MEGF11: variants seen among roughly 807,000 people sequenced by gnomAD.
MEGF11 encodes the protein multiple EGF like domains 11.
MEGF11 carries 126 observed loss-of-function variants against 146.6 expected under a neutral mutation model. That is an observed-to-expected ratio of 0.86 (90% CI 0.74 to 1.00). The LOEUF is 1.00. Ranked by LOEUF, MEGF11 falls within the 50% of genes least tolerant of loss-of-function variation. The pLI is 0.00. For synonymous variants in MEGF11, 532 were observed against 583.4 expected (o/e 0.91, Z 1.27); for missense variants, 1,509 against 1,521.2 (o/e 0.99, Z 0.13).
chr15:66,025,458 G>A (rs2083295915), intron 5 of MEGF11, among the ~76,000 whole-genome samples: 1 of 152,138 alleles, frequency 6.6e-6, no homozygotes, highest in African/African-American at 2.4e-5. Context: ...GAGGCGAGGA[G>A]GTCCACTACC....
chr15:66,001,959 G>A (rs2082379895), intron 5 of MEGF11, among the ~76,000 whole-genome samples: 1 of 152,162 alleles, frequency 6.6e-6, no homozygotes, highest in Non-Finnish European at 1.5e-5. Context: ...TCTGGGTCAG[G>A]GCTGGCAGGG....
chr15:66,143,805 C>T (rs1200674965), intron 1 of MEGF11, among the ~76,000 whole-genome samples: 1 of 152,160 alleles, frequency 6.6e-6, no homozygotes, highest in East Asian at 1.9e-4. Flanking sequence ...TCCTAGTGAG[C>T]TTTTAACAAA....
intron 4 of MEGF11, among the ~76,000 whole-genome samples, chr15:66,106,180 T>C (rs1024052597): frequency 5.3e-5 from 8 of 152,182 alleles, no homozygotes; most frequent in Admixed American, 5.2e-4. Flanking sequence ...AGAAAGGAGA[T>C]GGGAAACAAT....
chr15:65,925,826 G>T (rs1253253655), intron 13 of MEGF11, among the ~76,000 whole-genome samples: 1 of 152,180 alleles, frequency 6.6e-6, no homozygotes, highest in Non-Finnish European at 1.5e-5. Context: ...TCCGTTTAGG[G>T]CCCTCCTTCT....
Position 65,982,023 on chromosome 15 carries a change from A to G in MEGF11, c.641+219T>C, listed in dbSNP as rs1180910895. The stretch of plus-strand genomic sequence containing the variant: ...AGACCTGCGTGGGTGAGGCCTGGGC[A>G]TTTAGACTCACAGGAGATTTCACAG... On this transcript the variant is annotated intron_variant, in intron 6 of 25. Coordinates refer to ENST00000395614, the MANE Select transcript of MEGF11 (RefSeq NM_001385028.1). The surrounding 1 kb of genome is among the most constrained non-coding windows in gnomAD (Gnocchi z 5.6). Among the ~76,000 whole-genome samples the G allele has an allele frequency of 6.6e-6, 1 of 152,188 alleles. No homozygotes were observed. Among genetic ancestry groups the G allele is most frequent in the Non-Finnish European group, 1.5e-5 (1 of 68,026 alleles).
intron 10 of MEGF11, among the ~76,000 whole-genome samples, chr15:65,956,649 C>T (rs932842125): frequency 6.6e-6 from 1 of 152,240 alleles, no homozygotes; most frequent in East Asian, 1.9e-4. Flanking sequence ...CTCCTTGAGC[C>T]TGCTGGGCAT....
At chr15:66,179,840 G>A (rs2090498056) in intron 1 of MEGF11, among the ~76,000 whole-genome samples, 1 of 127,318 alleles carries the variant, frequency 7.9e-6, no homozygotes, top group Admixed American at 9.4e-5. Flanking sequence ...AACACACAGT[G>A]CCTAACACCC....
At chr15:66,166,871 G>A (rs2090111246) in intron 1 of MEGF11, among the ~76,000 whole-genome samples, 1 of 152,110 alleles carries the variant, frequency 6.6e-6, no homozygotes, top group Non-Finnish European at 1.5e-5. Context: ...CTAAATAAAA[G>A]TACAAGTGAA....
chr15:66,012,808 C>T (rs574067673), intron 5 of MEGF11, among the ~76,000 whole-genome samples: 2 of 152,336 alleles, frequency 1.3e-5, no homozygotes, highest in African/African-American at 4.8e-5. Context: ...AGCAGCGCTT[C>T]CCCTAGGAGC....
intron 4 of MEGF11, among the ~76,000 whole-genome samples, chr15:66,095,399 C>T (rs1792587416): frequency 1.3e-5 from 2 of 152,346 alleles, no homozygotes; most frequent in Non-Finnish European, 2.9e-5. Flanking sequence ...CAGCAGTTAC[C>T]ATCAACCCTG....
In MEGF11 at chr15:65,898,757, G is replaced by A. The variant is rs745493158; in HGVS notation, c.3233C>T (p.Ser1078Leu). Residue 1078 changes from serine (S) to leucine (L), a missense_variant, in exon 25 of 26, where the codon TCG becomes TTG. Ser to Leu is a moderately radical substitution (Grantham distance 145). Coordinates refer to ENST00000395614, the MANE Select transcript of MEGF11 (RefSeq NM_001385028.1). ...TTCATATATATTTTTATTAGATGTC[G>A]ACAAGGATGGCACATCTGTGTACGG... ...GSPYTDVPSLSTSNKNIYEVE... is the reference protein window; with the variant it reads ...GSPYTDVPSLLTSNKNIYEVE... 3.1e-6 allele frequency: 5 copies of A among 1,613,806 alleles called. No individual in the cohort carries two copies. The highest frequency in any genetic ancestry group is 4.2e-6 in the Non-Finnish European group (5 of 1,179,792).
At chr15:66,189,759 T>G (rs572508665) in intron 1 of MEGF11, among the ~76,000 whole-genome samples, 1 of 152,128 alleles carries the variant, frequency 6.6e-6, no homozygotes, top group African/African-American at 2.4e-5. Context: ...GGACAAGATA[T>G]CTAAAGCCCC....
intron 1 of MEGF11, among the ~76,000 whole-genome samples, chr15:66,247,458 G>A (rs1169168588): frequency 5.9e-5 from 9 of 152,156 alleles, no homozygotes; most frequent in Non-Finnish European, 7.3e-5. Context: ...GGCTTAAAAC[G>A]AGTAGAAAGA....
At chr15:65,961,686 T>TGCCGGAAGGGCACAGACCA (rs2080862884) in intron 9 of MEGF11, among the ~76,000 whole-genome samples, 1 of 152,244 alleles carries the variant, frequency 6.6e-6, no homozygotes, top group African/African-American at 2.4e-5. Flanking sequence ...GCAGCAGCCT[T>TGCCGGAAGGGCACAGACCA]GCCGGAAGGG....
At chr15:65,994,460 C>T (rs942749075) in intron 5 of MEGF11, among the ~76,000 whole-genome samples, 3 of 152,194 alleles carry the variant, frequency 2.0e-5, no homozygotes, top group African/African-American at 7.2e-5. Context: ...GGAATGAAGG[C>T]CTGCCTCACC....
intron 3 of MEGF11, among the ~76,000 whole-genome samples, chr15:66,121,383 G>A (rs1268782241): frequency 1.3e-5 from 2 of 152,206 alleles, no homozygotes; most frequent in African/African-American, 4.8e-5. Flanking sequence ...AAATGCTAGA[G>A]GAAGGGGATG....
intron 1 of MEGF11, among the ~76,000 whole-genome samples, chr15:66,168,857 G>A (rs750752251): frequency 1.2e-4 from 18 of 152,218 alleles, no homozygotes; most frequent in Non-Finnish European, 2.1e-4. Flanking sequence ...GCGTGGTGGC[G>A]CATGCCTGTA....
intron 1 of MEGF11, among the ~76,000 whole-genome samples, chr15:66,167,618 C>A (rs754616461): frequency 2.6e-5 from 4 of 151,956 alleles, no homozygotes; most frequent in Non-Finnish European, 5.9e-5. Flanking sequence ...GCACTCCAGC[C>A]TGGGCAATGA....
At chr15:66,203,905 G>T (rs1204026714) in intron 1 of MEGF11, among the ~76,000 whole-genome samples, 1 of 152,274 alleles carries the variant, frequency 6.6e-6, no homozygotes, top group East Asian at 1.9e-4. Context: ...TTTTGGAGAT[G>T]TATGTTGACA....
Sources: allele counts gnomAD v4.1 joint callset (sites outside exome capture counted in the v4.1 genomes callset), GRCh38; gene constraint gnomAD v4.1.1; non-coding constraint Gnocchi (gnomAD v3.1); transcripts MANE v1.5; gene names NCBI Gene and HGNC (gene_info 2026-07-23, HGNC 2026-07-21).